SAMD5: variants seen among roughly 807,000 people sequenced by gnomAD.
SAMD5 encodes sterile alpha motif domain containing 5.
SAMD5 carries 13 observed loss-of-function variants against 11.3 expected under a neutral mutation model. The observed-to-expected ratio is 1.15, with a 90% CI of 0.75 to 1.83. SAMD5 has a LOEUF of 1.83. Ranked by LOEUF, SAMD5 falls within the 40% of genes most tolerant of loss-of-function variation. The pLI is 0.00. For missense variants in SAMD5, 255 were observed against 239.1 expected (o/e 1.07, Z -0.44); for synonymous variants, 129 against 111.3 (o/e 1.16, Z -1.00).
At chr6:147,582,333 A>C (rs1343027895) in intron 1 of SAMD5, among the ~76,000 whole-genome samples, 16 of 86,448 alleles carry the variant, frequency 1.9e-4, no homozygotes, top group African/African-American at 6.3e-4. Flanking sequence ...GCACCCCCCC[A>C]CCAAAAAAAA....
the SAMD5 span, among the ~76,000 whole-genome samples, chr6:147,931,958 T>G: frequency 1.3e-5 from 2 of 152,218 alleles, no homozygotes; most frequent in African/African-American, 2.4e-5. Flanking sequence ...GTACTTTGCC[T>G]GAGTTCTAAA....
intron 1 of SAMD5, among the ~76,000 whole-genome samples, chr6:147,530,093 C>G (rs1406747122): frequency 6.6e-6 from 1 of 152,136 alleles, no homozygotes; most frequent in Non-Finnish European, 1.5e-5. Flanking sequence ...TTTTTTCCCC[C>G]TGGTATTTAG....
the SAMD5 span, among the ~76,000 whole-genome samples, chr6:147,748,579 A>G: frequency 6.6e-6 from 1 of 152,176 alleles, no homozygotes; most frequent in African/African-American, 2.4e-5. Context: ...AGAAAGACTA[A>G]TTGTTCTCCT....
chr6:147,909,609 TTTC>T, the SAMD5 span, among the ~76,000 whole-genome samples: 3 of 69,136 alleles, frequency 4.3e-5, no homozygotes, highest in African/African-American at 1.8e-4. Context: ...TCTTTCTTTC[TTTC>T]TTTCTTTCTT....
chr6:147,886,272 C>T, the SAMD5 span, among the ~76,000 whole-genome samples: 2 of 152,072 alleles, frequency 1.3e-5, no homozygotes, highest in Non-Finnish European at 2.9e-5. Context: ...CACATTCAGA[C>T]CAAAACAATG....
chr6:147,833,452 CTAAAT>C, the SAMD5 span, among the ~76,000 whole-genome samples: 5 of 152,126 alleles, frequency 3.3e-5, no homozygotes, highest in Non-Finnish European at 5.9e-5. Context: ...ATGATAAACT[CTAAAT>C]TATACGTTAG....
intron 1 of SAMD5, among the ~76,000 whole-genome samples, chr6:147,731,132 G>T (rs1791707022): frequency 6.6e-6 from 1 of 152,146 alleles, no homozygotes; most frequent in Admixed American, 6.5e-5. Context: ...ACACAAGAAA[G>T]GACAAGTGAT....
intron 1 of SAMD5, chr6:147,730,303 AAC>A (rs1190885625): frequency 3.1e-6 from 1 of 324,230 alleles, no homozygotes; most frequent in Non-Finnish European, 6.1e-6. Flanking sequence ...TGAGGGACTA[AAC>A]ACAGACTAAA....
chr6:147,603,373 A>T (rs972057673), intron 1 of SAMD5, among the ~76,000 whole-genome samples: 55 of 152,324 alleles, frequency 3.6e-4, no homozygotes, highest in African/African-American at 1.3e-3. Flanking sequence ...ATTGATGAAC[A>T]GAGAGATCCT....
intron 1 of SAMD5, among the ~76,000 whole-genome samples, chr6:147,697,161 C>T (rs1022213403): frequency 6.6e-5 from 10 of 152,084 alleles, no homozygotes; most frequent in African/African-American, 1.2e-4. Flanking sequence ...TGCTGCTGCC[C>T]GCTGAGAAAG....
intron 1 of SAMD5, among the ~76,000 whole-genome samples, chr6:147,655,767 T>C (rs1488558276): frequency 6.6e-6 from 1 of 152,190 alleles, no homozygotes; most frequent in East Asian, 1.9e-4. Context: ...GTTTTCATTG[T>C]GAAAAAGTGT....
chr6:147,863,126 C>A, the SAMD5 span, among the ~76,000 whole-genome samples: 3 of 152,188 alleles, frequency 2.0e-5, no homozygotes, highest in East Asian at 5.8e-4. Context: ...ATTCACTTGG[C>A]AGGATCCTTG....
At chr6:147,636,913 G>A (rs1454820043) in intron 1 of SAMD5, among the ~76,000 whole-genome samples, 1 of 108,758 alleles carries the variant, frequency 9.2e-6, no homozygotes, top group Non-Finnish European at 2.3e-5. Flanking sequence ...TAGACTTAAG[G>A]AATTTTTTTT....
chr6:147,590,466 G>A (rs2128447152), intron 1 of SAMD5, among the ~76,000 whole-genome samples: 1 of 152,246 alleles, frequency 6.6e-6, no homozygotes, highest in Non-Finnish European at 1.5e-5. Context: ...AGACTGGAGT[G>A]CAGTGGCATG....
At chr6:147,805,266 G>C in the SAMD5 span, among the ~76,000 whole-genome samples, 1 of 152,162 alleles carries the variant, frequency 6.6e-6, no homozygotes, top group Non-Finnish European at 1.5e-5. Context: ...GATGTGAATA[G>C]CAGCAGCTTG....
At chr6:147,922,495 T>C in the SAMD5 span, among the ~76,000 whole-genome samples, 1 of 152,118 alleles carries the variant, frequency 6.6e-6, no homozygotes, top group East Asian at 1.9e-4. Flanking sequence ...ACGCTAAAAA[T>C]CAAAAAGAAT....
chr6:147,664,818 A>T (rs1185002554), intron 1 of SAMD5, among the ~76,000 whole-genome samples: 1 of 152,230 alleles, frequency 6.6e-6, no homozygotes, highest in Non-Finnish European at 1.5e-5. Flanking sequence ...ATTCTAAAAC[A>T]TACAAATGGT....
At chr6:147,838,709 A>T in the SAMD5 span, among the ~76,000 whole-genome samples, 2 of 152,310 alleles carry the variant, frequency 1.3e-5, no homozygotes, top group South Asian at 4.2e-4. Flanking sequence ...CCAGGGACAG[A>T]TGACAGATAA....
chr6:147,877,633 C>G, the SAMD5 span, among the ~76,000 whole-genome samples: 2 of 151,978 alleles, frequency 1.3e-5, no homozygotes, highest in Non-Finnish European at 1.5e-5. Flanking sequence ...AATCAGTAGA[C>G]TTTGAGTAAA....
Sources: gnomAD v4.1 joint callset for allele counts (sites outside exome capture counted in the v4.1 genomes callset) on GRCh38, gnomAD v4.1.1 for gene constraint, MANE v1.5 for transcripts, NCBI Gene and HGNC (gene_info 2026-07-23, HGNC 2026-07-21) for gene names.